DLG2: variants seen among roughly 807,000 people sequenced by gnomAD.
DLG2 encodes discs large MAGUK scaffold protein 2.
In DLG2, 45 loss-of-function variants were observed where a neutral mutation model predicts 132.5. The observed-to-expected ratio is 0.34, with a 90% CI of 0.27 to 0.44. The LOEUF (loss-of-function observed/expected upper bound fraction) is 0.44. Ranked by LOEUF, DLG2 falls within the 20% of genes least tolerant of loss-of-function variation. DLG2 has a pLI of 1.00. For synonymous variants in DLG2, 424 were observed against 419.6 expected (o/e 1.01, Z -0.13); for missense variants, 1,045 against 1,196.9 (o/e 0.87, Z 1.87).
At chr11:83,577,893 T>C (rs10898137) in intron 19 of DLG2, among the ~76,000 whole-genome samples, 83,487 of 119,250 alleles carry the variant, frequency 0.7, 29,657 homozygotes, top group African/African-American at 0.85. Context: ...AATATATAAA[T>C]GGAAGTTTAT....
intron 6 of DLG2, among the ~76,000 whole-genome samples, chr11:85,023,405 T>A (rs1043485400): frequency 1.3e-5 from 2 of 152,042 alleles, no homozygotes; most frequent in Non-Finnish European, 2.9e-5. Flanking sequence ...AACTTAAAAT[T>A]TGTGTAACAG....
At chr11:84,959,620 T>C (rs553240826) in intron 6 of DLG2, among the ~76,000 whole-genome samples, 60 of 152,322 alleles carry the variant, frequency 3.9e-4, no homozygotes, top group Non-Finnish European at 7.5e-4. Context: ...AATAAAATAA[T>C]TGTAATATCT....
intron 7 of DLG2, among the ~76,000 whole-genome samples, chr11:84,439,137 A>G (rs984152063): frequency 6.6e-6 from 1 of 152,244 alleles, no homozygotes; most frequent in African/African-American, 2.4e-5. Flanking sequence ...AGTGCTTAGC[A>G]CAACACATTT....
intron 6 of DLG2, among the ~76,000 whole-genome samples, chr11:84,732,557 T>C (rs528512641): frequency 4.1e-4 from 63 of 152,038 alleles, no homozygotes; most frequent in African/African-American, 1.5e-3. Flanking sequence ...TTCCCTGCTA[T>C]CTTTGGTAAA....
At chr11:85,517,051 A>C (rs187185275) in intron 3 of DLG2, among the ~76,000 whole-genome samples, 208 of 152,192 alleles carry the variant, frequency 1.4e-3, no homozygotes, top group Non-Finnish European at 2.4e-3. Context: ...ACCAAATCCA[A>C]CAGCACATCA....
chr11:84,429,665 T>A (rs370154567), intron 7 of DLG2, among the ~76,000 whole-genome samples: 1 of 152,200 alleles, frequency 6.6e-6, no homozygotes, highest in Non-Finnish European at 1.5e-5. Context: ...ATGGCTTCTC[T>A]AATAGCCTCA....
Position 83,456,619 on chromosome 11 carries a change from G to C in DLG2, c.*3199C>G, listed in dbSNP as rs2089020319. 6.7e-6 allele frequency: 1 copy of C among 149,076 alleles called. No homozygotes were observed. Among genetic ancestry groups the C allele is most frequent in the African/African-American group, 2.5e-5 (1 of 40,236 alleles). 9.2% of individuals were successfully genotyped at this position (149,076 alleles called of 1,614,324 possible). A position where few individuals can be genotyped will look rare whatever the true frequency, so the allele number is the denominator to read the frequency against. ...TATAGGAGAAAGTCAACAACTCAGA[G>C]ATGGTGGGAAGGAGGAATAGGAAAA... On this transcript the variant is annotated 3_prime_UTR_variant, in exon 28 of 28. Coordinates refer to ENST00000376104, the MANE Select transcript of DLG2 (RefSeq NM_001142699.3).
chr11:84,349,639 C>A (rs1254445048), intron 7 of DLG2, among the ~76,000 whole-genome samples: 8 of 152,128 alleles, frequency 5.3e-5, no homozygotes. Flanking sequence ...ATACAGGCAT[C>A]CTTCACAGGT....
intron 8 of DLG2, among the ~76,000 whole-genome samples, chr11:84,180,968 C>T (rs1428851453): frequency 6.6e-6 from 1 of 151,392 alleles, no homozygotes; most frequent in Non-Finnish European, 1.5e-5. Context: ...CATTGATCTA[C>T]ATAAAGAAAG....
At chr11:84,611,479 G>C (rs1003174844) in intron 6 of DLG2, among the ~76,000 whole-genome samples, 1 of 152,156 alleles carries the variant, frequency 6.6e-6, no homozygotes, top group Non-Finnish European at 1.5e-5. Context: ...GATGGGGTCA[G>C]ATGCTTGAAG....
intron 6 of DLG2, among the ~76,000 whole-genome samples, chr11:84,945,326 G>C (rs1376653438): frequency 6.6e-6 from 1 of 152,188 alleles, no homozygotes; most frequent in African/African-American, 2.4e-5. Flanking sequence ...AGGTAACACC[G>C]TGGTGTTCTT....
intron 8 of DLG2, among the ~76,000 whole-genome samples, chr11:84,181,129 C>A (rs1310172875): frequency 6.6e-6 from 1 of 151,792 alleles, no homozygotes; most frequent in Non-Finnish European, 1.5e-5. Flanking sequence ...TGTATGATCA[C>A]TTATATATAA....
At chr11:84,575,515 T>C (rs2099497418) in intron 6 of DLG2, among the ~76,000 whole-genome samples, 1 of 152,194 alleles carries the variant, frequency 6.6e-6, no homozygotes, top group Admixed American at 6.5e-5. Context: ...AGTTCCCTTG[T>C]AGCACTTTTC....
chr11:84,232,223 CT>C (rs1390298966), intron 8 of DLG2, among the ~76,000 whole-genome samples: 1 of 152,150 alleles, frequency 6.6e-6, no homozygotes, highest in Non-Finnish European at 1.5e-5. Flanking sequence ...CTTCCCTCCC[CT>C]CAAAGCACTT....
chr11:84,353,125 T>A (rs2098590480), intron 7 of DLG2, among the ~76,000 whole-genome samples: 1 of 151,892 alleles, frequency 6.6e-6, no homozygotes, highest in African/African-American at 2.4e-5. Flanking sequence ...TCAAAAAGAG[T>A]TTTCTCTACT....
chr11:85,391,734 G>A (rs1480892632), intron 3 of DLG2, among the ~76,000 whole-genome samples: 1 of 151,972 alleles, frequency 6.6e-6, no homozygotes, highest in Non-Finnish European at 1.5e-5. Flanking sequence ...ACCAAATCCA[G>A]CATCTCTTTA....
intron 15 of DLG2, among the ~76,000 whole-genome samples, chr11:83,878,945 G>A (rs1565463154): frequency 1.3e-5 from 2 of 152,266 alleles, no homozygotes; most frequent in South Asian, 2.1e-4. Flanking sequence ...TCCAAATGAT[G>A]CTGTCATTAA....
intron 8 of DLG2, among the ~76,000 whole-genome samples, chr11:84,209,192 AT>A (rs1254280425): frequency 6.6e-6 from 1 of 152,216 alleles, no homozygotes; most frequent in African/African-American, 2.4e-5. Context: ...CCTCTGTGAT[AT>A]TCTTTTTAAA....
At chr11:83,835,927 T>C (rs1430049462) in intron 16 of DLG2, among the ~76,000 whole-genome samples, 1 of 152,146 alleles carries the variant, frequency 6.6e-6, no homozygotes, top group Non-Finnish European at 1.5e-5. Flanking sequence ...CTATGGTATA[T>C]ACACATACAC....
Sources: allele counts gnomAD v4.1 joint callset (sites outside exome capture counted in the v4.1 genomes callset), GRCh38; gene constraint gnomAD v4.1.1; transcripts MANE v1.5; gene names NCBI Gene and HGNC (gene_info 2026-07-23, HGNC 2026-07-21).